Variants in PKNOX1 observed in about 807,000 individuals in gnomAD.
PKNOX1 encodes the protein PBX/knotted 1 homeobox 1.
In PKNOX1, 15 loss-of-function variants were observed where a neutral mutation model predicts 51.9. The ratio of observed to expected loss-of-function variants is 0.29; its 90% CI spans 0.19 to 0.45. The LOEUF is 0.45. Among genes scored for constraint, PKNOX1 ranks in the 20% least tolerant of loss-of-function variants. PKNOX1 has a pLI of 1.00. For missense variants in PKNOX1, 462 were observed against 547.5 expected (o/e 0.84, Z 1.56); for synonymous variants, 219 against 211.1 (o/e 1.04, Z -0.32).
intron 1 of PKNOX1, among the ~76,000 whole-genome samples, chr21:42,979,696 C>G (rs1213705883): frequency 1.3e-5 from 2 of 151,938 alleles, no homozygotes; most frequent in Non-Finnish European, 2.9e-5. Context: ...GAGCCGAGAT[C>G]GCGCCACTGC....
chr21:43,013,230 C>T lies in PKNOX1; in HGVS notation c.514C>T (p.Gln172Ter). Reference sequence around the variant, plus strand: ...GCCTGGAAGCCCGTACTCACCAGTGCAGTCCCAGGTACTTACATTTGGGGG... The same window carrying T: ...GCCTGGAAGCCCGTACTCACCAGTGTAGTCCCAGGTACTTACATTTGGGGG... Reference protein sequence around the residue: ...GEPGSPYSPVQSQQIQSAITG... With the variant: ...GEPGSPYSPV Residue 172 changes from glutamine to a stop codon, truncating the protein, a stop_gained, in exon 5 of 11, where the codon CAG (glutamine) becomes TAG (stop). Coordinates refer to ENST00000291547, the MANE Select transcript of PKNOX1 (RefSeq NM_004571.5). LOFTEE classifies it high-confidence loss of function. The T allele has an allele frequency of 6.2e-7, 1 of 1,600,438 alleles. No homozygotes were observed. Among genetic ancestry groups the T allele is most frequent in the Non-Finnish European group, 8.5e-7 (1 of 1,171,982 alleles).
chr21:42,985,116 T>C (rs976282144), intron 1 of PKNOX1, among the ~76,000 whole-genome samples: 1 of 148,496 alleles, frequency 6.7e-6, no homozygotes, highest in African/African-American at 2.5e-5. Context: ...GCCTCCCGAG[T>C]AGCTGGGACT....
chr21:43,028,192 A>T (rs1163216381), intron 9 of PKNOX1, among the ~76,000 whole-genome samples: 3 of 152,152 alleles, frequency 2.0e-5, no homozygotes, highest in African/African-American at 7.2e-5. Flanking sequence ...TTGTGGTGAA[A>T]CAAGAGGAGG....
intron 9 of PKNOX1, 110 bp downstream of exon 9, chr21:43,025,057 C>G: frequency 1.4e-6 from 1 of 718,376 alleles, no homozygotes; most frequent in Admixed American, 2.4e-5. Context: ...CTCTCTTTTT[C>G]TTTTTTCCCA....
chr21:42,985,328 TTTTGTTTG>T (rs374868621), intron 1 of PKNOX1, among the ~76,000 whole-genome samples: 14 of 152,050 alleles, frequency 9.2e-5, no homozygotes, highest in African/African-American at 3.1e-4. Context: ...GTTTTTTGGT[TTTTGTTTG>T]TTTGTTTGTT....
intron 1 of PKNOX1, among the ~76,000 whole-genome samples, chr21:42,999,040 G>A (rs234759): frequency 0.86 from 130,420 of 152,256 alleles, 55,931 homozygotes; most frequent in African/African-American, 0.88. Flanking sequence ...TGAGAGCCCC[G>A]CCCTTACAGC....
intron 1 of PKNOX1, among the ~76,000 whole-genome samples, chr21:43,000,808 A>G (rs988312691): frequency 2.0e-5 from 3 of 152,172 alleles, no homozygotes; most frequent in African/African-American, 4.8e-5. Context: ...TCTTGAGTTC[A>G]GGAAGTCGGG....
intron 1 of PKNOX1, among the ~76,000 whole-genome samples, chr21:42,987,404 A>AAAAAAATATATATATAT: frequency 7.2e-5 from 3 of 41,410 alleles, no homozygotes; most frequent in Non-Finnish European, 9.6e-5. Context: ...AAAAAAAAAA[A>AAAAAAATATATATATAT]ATATATATAT....
intron 1 of PKNOX1, among the ~76,000 whole-genome samples, chr21:42,988,947 C>A (rs1054522201): frequency 5.5e-5 from 8 of 145,596 alleles, no homozygotes; most frequent in African/African-American, 2.1e-4. Context: ...GGCTGGGGAC[C>A]CTGCGGGCTG....
In PKNOX1 at chr21:43,030,695, TA is replaced by T. The variant is rs1306708613; in HGVS notation, c.*600del. On this transcript the variant is annotated 3_prime_UTR_variant, in exon 11 of 11. Coordinates refer to ENST00000291547, the MANE Select transcript of PKNOX1 (RefSeq NM_004571.5). ...TTTTTACCTTGCTGGAATTATTGGA[TA>T]AAAAAGCTATTTTTATAAATTCGTT... 4 of 152,656 alleles carry T rather than the reference TA, an allele frequency of 2.6e-5. No individual in the cohort carries two copies. The highest frequency in any genetic ancestry group is 9.7e-5 in the African/African-American group (4 of 41,438). 9.5% of individuals were successfully genotyped at this position (152,656 alleles called of 1,614,324 possible).
chr21:42,984,964 A>ATTTTC (rs2059044239), intron 1 of PKNOX1, among the ~76,000 whole-genome samples: 2 of 91,784 alleles, frequency 2.2e-5, no homozygotes. Flanking sequence ...AGGGTTCCTC[A>ATTTTC]TTTTCTTTTC....
chr21:43,028,759 G>C lies in PKNOX1; in HGVS notation c.984G>C (p.Glu328Asp). Residue 328 changes from glutamate (E) to aspartate (D), a missense_variant, in exon 10 of 11, where the codon GAG becomes GAC. By Grantham distance (45) the Glu-to-Asp change is conservative. Coordinates refer to ENST00000291547, the MANE Select transcript of PKNOX1 (RefSeq NM_004571.5). ...CAATGTTGGATTCAAGTTGTTCAGAGACCCCCAAAACAAAGAAAAAAACTG... is the reference window on the plus strand; with the variant it reads ...CAATGTTGGATTCAAGTTGTTCAGACACCCCCAAAACAAAGAAAAAAACTG... ...LQPMLDSSCS[E>D]TPKTKKKTAQ... 1.2e-6 allele frequency: 2 copies of C among 1,614,120 alleles called. No homozygotes were observed. Among genetic ancestry groups the C allele is most frequent in the Non-Finnish European group, 1.7e-6 (2 of 1,180,014 alleles).
chr21:42,976,374 G>T (rs1359207653), intron 1 of PKNOX1, among the ~76,000 whole-genome samples: 1 of 152,204 alleles, frequency 6.6e-6, no homozygotes, highest in Non-Finnish European at 1.5e-5. Context: ...GATGGCTGCT[G>T]ACTGATCAGG....
At chr21:43,025,862 A>G (rs1979965169) in intron 9 of PKNOX1, among the ~76,000 whole-genome samples, 2 of 152,188 alleles carry the variant, frequency 1.3e-5, no homozygotes, top group Non-Finnish European at 2.9e-5. Flanking sequence ...TGCGGGAGGT[A>G]TGCTTCGGGG....
intron 2 of PKNOX1, among the ~76,000 whole-genome samples, chr21:43,006,512 T>A (rs1303823309): frequency 1.3e-5 from 2 of 152,174 alleles, no homozygotes; most frequent in African/African-American, 4.8e-5. Context: ...TTTTTTTTTT[T>A]AAGAGAAACA....
At chr21:42,980,344 G>A (rs2059020011) in intron 1 of PKNOX1, among the ~76,000 whole-genome samples, 1 of 151,410 alleles carries the variant, frequency 6.6e-6, no homozygotes, top group Non-Finnish European at 1.5e-5. Flanking sequence ...TGCACTTCAG[G>A]CTGGGCGACA....
At chr21:42,995,149 TG>T (rs1978443363) in intron 1 of PKNOX1, among the ~76,000 whole-genome samples, 1 of 152,054 alleles carries the variant, frequency 6.6e-6, no homozygotes, top group Non-Finnish European at 1.5e-5. Context: ...CTCGAACTCC[TG>T]ACCTCAGGTA....
intron 7 of PKNOX1, chr21:43,020,552 C>T (rs933007839): frequency 4.6e-5 from 7 of 152,196 alleles, no homozygotes; most frequent in Admixed American, 2.6e-4. Flanking sequence ...AGGGAAGGTC[C>T]GTATCTCTAG....
chr21:42,995,837 C>T (rs767126382), intron 1 of PKNOX1, among the ~76,000 whole-genome samples: 2 of 152,152 alleles, frequency 1.3e-5, no homozygotes, highest in East Asian at 1.9e-4. Flanking sequence ...TGAAAGCTGT[C>T]GTCATCCTCT....
Sources: allele counts gnomAD v4.1 joint callset (sites outside exome capture counted in the v4.1 genomes callset), GRCh38; gene constraint gnomAD v4.1.1; transcripts MANE v1.5; gene names NCBI Gene and HGNC (gene_info 2026-07-23, HGNC 2026-07-21).